ADAMTS20: variants seen among roughly 807,000 people sequenced by gnomAD.
ADAMTS20 encodes the protein A disintegrin and metalloproteinase with thrombospondin motifs 20.
ADAMTS20 carries 225 observed loss-of-function variants against 260.1 expected under a neutral mutation model. That is an observed-to-expected ratio of 0.87 (90% confidence interval 0.78 to 0.97). The LOEUF (loss-of-function observed/expected upper bound fraction) is 0.97, where lower values mean the gene tolerates loss of function less well. Among genes scored for constraint, ADAMTS20 ranks in the 50% least tolerant of loss-of-function variants. ADAMTS20 has a pLI of 0.00. For missense variants in ADAMTS20, 2,400 were observed against 2,337.7 expected, an observed-to-expected ratio of 1.03 and a Z score of -0.55; for synonymous variants, 802 against 769.5, an observed-to-expected ratio of 1.04 and a Z score of -0.70.
At chr12:43,364,862 G>T (rs994827162) in intron 37 of ADAMTS20, among the ~76,000 whole-genome samples, 6 of 152,040 alleles carry the variant, frequency 3.9e-5, no homozygotes, top group Non-Finnish European at 7.4e-5. Context: ...AATAATGACT[G>T]AAAACTTTCC....
intron 8 of ADAMTS20, among the ~76,000 whole-genome samples, chr12:43,467,083 T>C (rs1321651268): frequency 6.6e-6 from 1 of 152,000 alleles, no homozygotes; most frequent in African/African-American, 2.4e-5. Flanking sequence ...GACATAAAAG[T>C]GCCTGCAGGT....
Position 43,376,673 on chromosome 12 carries a change from T to G in ADAMTS20, c.4996-20A>C. The G allele has an allele frequency of 6.3e-7, 1 of 1,591,148 alleles. No homozygotes were observed. Among genetic ancestry groups the G allele is most frequent in the African/African-American group, 1.4e-5 (1 of 73,564 alleles). The stretch of plus-strand genomic sequence containing the variant: ...TGAGCACTGTGAAAAGAGTAAAATT[T>G]GAAGGCAAACTATATTATGAATCTT... On this transcript the variant is annotated intron_variant, in intron 32 of 38. Transcript: ENST00000389420.
chr12:43,458,396 G>T (rs547669754), intron 11 of ADAMTS20, among the ~76,000 whole-genome samples: 3 of 152,128 alleles, frequency 2.0e-5, no homozygotes, highest in Admixed American at 6.5e-5. Context: ...AATGCCCTAC[G>T]AAATCTTCCT....
chr12:43,471,194 G>A (rs2137393211), intron 7 of ADAMTS20, among the ~76,000 whole-genome samples: 1 of 152,300 alleles, frequency 6.6e-6, no homozygotes, highest in South Asian at 2.1e-4. Flanking sequence ...GGGTCAGGGA[G>A]TTCCCTTTCC....
chr12:43,463,265 AT>A (rs1337157662), intron 10 of ADAMTS20, among the ~76,000 whole-genome samples: 3 of 152,190 alleles, frequency 2.0e-5, no homozygotes, highest in Non-Finnish European at 2.9e-5. Context: ...AATTTTCAAA[AT>A]TATTTGAGAT....
At chr12:43,439,497 G>T in intron 18 of ADAMTS20, 125 bp downstream of exon 18, 2 of 1,115,892 alleles carry the variant, frequency 1.8e-6, no homozygotes, top group Non-Finnish European at 2.5e-6. Context: ...GAAAACTTTT[G>T]TATGTCTGTG....
chr12:43,442,877 C>T (rs537717189), intron 16 of ADAMTS20, among the ~76,000 whole-genome samples: 18 of 152,098 alleles, frequency 1.2e-4, no homozygotes, highest in East Asian at 3.8e-4. Flanking sequence ...TTCACGATGA[C>T]GTACAACCAT....
chr12:43,547,956 G>A (rs554624719), intron 2 of ADAMTS20, among the ~76,000 whole-genome samples: 7 of 152,074 alleles, frequency 4.6e-5, no homozygotes, highest in Non-Finnish European at 8.8e-5. Flanking sequence ...ACTGAAGGAC[G>A]GTACAATTTC....
intron 37 of ADAMTS20, 100 bp from the exon 38 acceptor site, chr12:43,356,688 T>C (rs1939753197): frequency 1.3e-6 from 1 of 742,096 alleles, no homozygotes; most frequent in Non-Finnish European, 2.2e-6. Context: ...ATTAATACTA[T>C]ATAATGTTAT....
chr12:43,399,385 A>G (rs1004228095), intron 28 of ADAMTS20, among the ~76,000 whole-genome samples, 152 bp from the exon 29 acceptor site: 3 of 152,174 alleles, frequency 2.0e-5, no homozygotes, highest in African/African-American at 7.2e-5. Flanking sequence ...GAAAAGTTAA[A>G]AGTTACCAAT....
At chr12:43,396,676 T>G (rs377375027) in intron 29 of ADAMTS20, among the ~76,000 whole-genome samples, 1 of 152,190 alleles carries the variant, frequency 6.6e-6, no homozygotes, top group Non-Finnish European at 1.5e-5. Context: ...TCCTTAAATA[T>G]TCATATCTGT....
chr12:43,437,114 C>A (rs961046241), intron 18 of ADAMTS20, among the ~76,000 whole-genome samples: 8 of 151,916 alleles, frequency 5.3e-5, no homozygotes, highest in African/African-American at 1.9e-4. Context: ...ACAAAATAGA[C>A]CTAGGAGGAA....
rs1180333856 is a variant in ADAMTS20 at position 43,502,260 on chromosome 12, A to G, written c.759T>C (p.Arg253=). The change falls in exon 4 of 39, where the codon CGT becomes CGC. Residue 253 remains arginine (R), a synonymous_variant. Transcript: ENST00000389420. ...KDERRHSRKK[R]LISYPRYIEI... is the part of the protein sequence containing the mutation. ...CAATGTATCTTGGATATGATATAAG[A>G]CGTTTTTTCCTGGAATGTCTTCTTT... 1.9e-6 allele frequency: 3 copies of G among 1,612,260 alleles called. No homozygotes were observed. Among genetic ancestry groups the G allele is most frequent in the South Asian group, 2.2e-5 (2 of 90,826 alleles).
chr12:43,492,812 A>G (rs1942623577), intron 5 of ADAMTS20, among the ~76,000 whole-genome samples, 183 bp from the exon 6 acceptor site: 1 of 152,190 alleles, frequency 6.6e-6, no homozygotes, highest in South Asian at 2.1e-4. Context: ...ATTATGATCA[A>G]AACTGAATCT....
intron 8 of ADAMTS20, among the ~76,000 whole-genome samples, chr12:43,466,998 G>A (rs1942166207): frequency 7.5e-6 from 1 of 134,198 alleles, no homozygotes; most frequent in South Asian, 2.8e-4. Context: ...ATAGGCTGGT[G>A]ATCTGGCATC....
chr12:43,358,086 C>A (rs1464649330), intron 37 of ADAMTS20, among the ~76,000 whole-genome samples: 2 of 152,174 alleles, frequency 1.3e-5, no homozygotes, highest in East Asian at 1.9e-4. Flanking sequence ...ATGTAAATTT[C>A]TTGTAACCAG....
At chr12:43,548,832 T>C (rs1943474396) in intron 2 of ADAMTS20, among the ~76,000 whole-genome samples, 1 of 152,090 alleles carries the variant, frequency 6.6e-6, no homozygotes, top group Non-Finnish European at 1.5e-5. Context: ...AGAAATTATG[T>C]AAAATAAAGC....
chr12:43,497,817 A>G (rs572114173), intron 4 of ADAMTS20, among the ~76,000 whole-genome samples: 2 of 152,256 alleles, frequency 1.3e-5, no homozygotes, highest in South Asian at 4.1e-4. Context: ...CTTGAGGATT[A>G]CATGATGCTC....
chr12:43,358,192 T>A (rs565476709), intron 37 of ADAMTS20, among the ~76,000 whole-genome samples: 3 of 152,208 alleles, frequency 2.0e-5, no homozygotes, highest in Non-Finnish European at 4.4e-5. Flanking sequence ...GCCTTAAAAA[T>A]ATTCAAATGT....
Sources: allele counts gnomAD v4.1 joint callset (sites outside exome capture counted in the v4.1 genomes callset), GRCh38; gene constraint gnomAD v4.1.1; transcripts MANE v1.5; gene names NCBI Gene and HGNC (gene_info 2026-07-23, HGNC 2026-07-21).